The following RABGAP1L variants were observed in gnomAD, a reference collection of about 807,000 sequenced individuals.
RABGAP1L encodes RAB GTPase activating protein 1 like, also known as rab GTPase-activating protein 1-like.
Under a neutral mutation model 137.7 loss-of-function variants are expected in RABGAP1L, and 63 were observed. The observed-to-expected ratio is 0.46, with a 90% CI of 0.37 to 0.56. The LOEUF (loss-of-function observed/expected upper bound fraction) is 0.56. Among genes scored for constraint, RABGAP1L ranks in the 20% least tolerant of loss-of-function variants. The probability of loss-of-function intolerance (pLI) is 0.00; values close to 1 mark genes in which losing one functional copy is unlikely to be tolerated. For synonymous variants in RABGAP1L, 431 were observed against 433.7 expected (o/e 0.99, Z 0.08); for missense variants, 1,095 against 1,244.0 (o/e 0.88, Z 1.80).
chr1:174,449,825 C>T (rs1336953456), intron 13 of RABGAP1L, among the ~76,000 whole-genome samples: 1 of 152,120 alleles, frequency 6.6e-6, no homozygotes, highest in Non-Finnish European at 1.5e-5. Context: ...CAAATAGAAA[C>T]AGTATTTTTG....
At chr1:174,982,688 T>C in intron 23 of RABGAP1L, 146 bp from the exon 24 acceptor site, 1 of 725,268 alleles carries the variant, frequency 1.4e-6, no homozygotes, top group Non-Finnish European at 2.2e-6. Flanking sequence ...ATTTCCGAAA[T>C]GACTGGCATT....
chr1:174,482,776 C>T (rs1041827653), intron 13 of RABGAP1L, among the ~76,000 whole-genome samples: 7 of 152,180 alleles, frequency 4.6e-5, no homozygotes, highest in Admixed American at 2.6e-4. Flanking sequence ...CATGCCCTCA[C>T]ACAAAAAGAA....
chr1:174,602,509 G>A (rs1398902254), intron 13 of RABGAP1L, among the ~76,000 whole-genome samples: 3 of 152,164 alleles, frequency 2.0e-5, no homozygotes, highest in Non-Finnish European at 2.9e-5. Flanking sequence ...TGGAAATTCT[G>A]GGAGATGCAA....
At chr1:174,611,935 A>G (rs1240968508) in intron 13 of RABGAP1L, among the ~76,000 whole-genome samples, 11 of 152,336 alleles carry the variant, frequency 7.2e-5, no homozygotes, top group Non-Finnish European at 1.5e-4. Context: ...GAAGTTGCTT[A>G]TCAGCTTAAG....
intron 14 of RABGAP1L, among the ~76,000 whole-genome samples, chr1:174,640,981 AT>A (rs1674488958): frequency 1.1e-5 from 1 of 89,180 alleles, no homozygotes. Flanking sequence ...TATTAATTAA[AT>A]ATAATTTTAG....
chr1:174,703,587 T>C (rs1679828463), intron 17 of RABGAP1L, among the ~76,000 whole-genome samples: 1 of 152,216 alleles, frequency 6.6e-6, no homozygotes, highest in Non-Finnish European at 1.5e-5. Context: ...TGATTTCTTT[T>C]CCTTTGGATA....
chr1:174,650,041 G>C (rs1262553938), intron 14 of RABGAP1L, among the ~76,000 whole-genome samples: 3 of 152,140 alleles, frequency 2.0e-5, no homozygotes, highest in Non-Finnish European at 4.4e-5. Context: ...TTTTTAGCAT[G>C]AAGTGTTGTT....
chr1:174,794,928 A>G (rs1442822168), intron 18 of RABGAP1L, among the ~76,000 whole-genome samples: 1 of 152,202 alleles, frequency 6.6e-6, no homozygotes, highest in Non-Finnish European at 1.5e-5. Flanking sequence ...TAGGTCCATG[A>G]ATTAAGTCAA....
intron 18 of RABGAP1L, chr1:174,756,803 TG>T: frequency 1.9e-6 from 1 of 528,988 alleles, no homozygotes; most frequent in Non-Finnish European, 3.7e-6. Flanking sequence ...CCTACTCGGT[TG>T]CAAACTCCGG....
chr1:174,602,478 C>CTGG (rs1670487125), intron 13 of RABGAP1L, among the ~76,000 whole-genome samples: 1 of 152,192 alleles, frequency 6.6e-6, no homozygotes, highest in South Asian at 2.1e-4. Context: ...TTACCTCCAC[C>CTGG]TGGGTTCCTC....
intron 14 of RABGAP1L, among the ~76,000 whole-genome samples, chr1:174,642,818 T>A (rs919243773): frequency 1.4e-5 from 2 of 145,706 alleles, no homozygotes; most frequent in African/African-American, 2.6e-5. Context: ...GGGGTCTTGT[T>A]CTGTTGCCCA....
chr1:174,889,799 G>A (rs1030421099), intron 19 of RABGAP1L, among the ~76,000 whole-genome samples: 2 of 152,058 alleles, frequency 1.3e-5, no homozygotes, highest in Non-Finnish European at 2.9e-5. Flanking sequence ...GTGCAATCAC[G>A]GCTCACTGCG....
In RABGAP1L at chr1:174,205,431, T is replaced by A. The variant is rs1158770943; in HGVS notation, c.-33-13694T>A. Among the ~76,000 whole-genome samples the A allele has an allele frequency of 2.6e-5, 4 of 152,258 alleles. No homozygotes were observed. The East Asian group carries it at 5.8e-4, about 22-fold the overall frequency. ...CATCAGGTCCTGGGATTTTTTTGGT[T>A]GGTAGACGTTTTATTACTGATTCAA... On this transcript the variant is annotated intron_variant, in intron 1 of 25. Transcript: ENST00000681986.
chr1:174,299,263 G>C (rs1414003637), intron 10 of RABGAP1L, among the ~76,000 whole-genome samples: 1 of 152,206 alleles, frequency 6.6e-6, no homozygotes, highest in Admixed American at 6.5e-5. Context: ...ACACTTGTGA[G>C]TTGGGTGATT....
chr1:174,320,009 C>T (rs185730785), intron 11 of RABGAP1L, among the ~76,000 whole-genome samples: 1 of 152,218 alleles, frequency 6.6e-6, no homozygotes, highest in Non-Finnish European at 1.5e-5. Flanking sequence ...GCTCACTCTT[C>T]AAAAACAGGA....
chr1:174,672,582 G>A (rs139939124), intron 14 of RABGAP1L, among the ~76,000 whole-genome samples: 15 of 151,854 alleles, frequency 9.9e-5, no homozygotes, highest in Non-Finnish European at 1.6e-4. Context: ...TGTCTTCTTT[G>A]TAGGCATTTA....
chr1:174,297,196 A>G (rs187352952), intron 10 of RABGAP1L, among the ~76,000 whole-genome samples: 1 of 152,218 alleles, frequency 6.6e-6, no homozygotes, highest in South Asian at 2.1e-4. Context: ...AGAGAAAAAC[A>G]TAGAAATTTA....
chr1:174,625,584 C>T (rs1672887401), intron 13 of RABGAP1L, among the ~76,000 whole-genome samples: 1 of 152,106 alleles, frequency 6.6e-6, no homozygotes. Flanking sequence ...AGGTGTGAGC[C>T]AATGCATCTG....
chr1:174,274,880 A>G (rs1674849331), intron 8 of RABGAP1L, among the ~76,000 whole-genome samples: 1 of 152,208 alleles, frequency 6.6e-6, no homozygotes, highest in South Asian at 2.1e-4. Flanking sequence ...TAATGAAAAA[A>G]GAAAAGTTTT....
Sources: gnomAD v4.1 joint callset for allele counts (sites outside exome capture counted in the v4.1 genomes callset) on GRCh38, gnomAD v4.1.1 for gene constraint, MANE v1.5 for transcripts, NCBI Gene and HGNC (gene_info 2026-07-23, HGNC 2026-07-21) for gene names.